ZNF573: variants seen among roughly 807,000 people sequenced by gnomAD.
ZNF573 encodes the protein zinc finger protein 573.
In ZNF573, 41 loss-of-function variants were observed where a neutral mutation model predicts 57.4. The observed-to-expected ratio is 0.71, with a 90% CI of 0.56 to 0.93. ZNF573 has a LOEUF of 0.93. Ranked by LOEUF, ZNF573 falls within the 40% of genes least tolerant of loss-of-function variation. The pLI is 0.00. For synonymous variants in ZNF573, 249 were observed against 261.0 expected, an observed-to-expected ratio of 0.95 and a Z score of 0.44; for missense variants, 730 against 794.8, an observed-to-expected ratio of 0.92 and a Z score of 0.98.
At position 37,739,827 on chromosome 19, in the gene ZNF573, C is replaced by A. The variant is rs1417078758; in HGVS notation, c.663G>T (p.Arg221Ser). 2 of 1,613,924 alleles carry A rather than the reference C, an allele frequency of 1.2e-6. No individual in the cohort carries two copies. The highest frequency in any genetic ancestry group is 1.7e-6 in the Non-Finnish European group (2 of 1,179,966). The change falls in exon 5 of 5, where the codon AGG (arginine) becomes AGT (serine). Residue 221 changes from arginine to serine, a missense_variant. Coordinates refer to ENST00000536220, the MANE Select transcript of ZNF573 (RefSeq NM_001172690.2). Reference sequence around the variant, plus strand: ...CATATATAAAGGCCTTCCCACACTGCCTACATTCATAGGTTTTCTCACCAG... The same window carrying A: ...CATATATAAAGGCCTTCCCACACTGACTACATTCATAGGTTTTCTCACCAG... ...FHTGEKTYEC[R>S]QCGKAFIYAS...
intron 3 of ZNF573, 189 bp from the exon 4 acceptor site, chr19:37,770,286 G>T (rs890945972): frequency 5.8e-5 from 29 of 497,230 alleles, no homozygotes; most frequent in African/African-American, 5.3e-4. Context: ...TCTCTTAGGA[G>T]AAAGTTTAAC....
At chr19:37,750,028 A>G (rs2045418144) in intron 4 of ZNF573, among the ~76,000 whole-genome samples, 1 of 152,164 alleles carries the variant, frequency 6.6e-6, no homozygotes, top group Non-Finnish European at 1.5e-5. Flanking sequence ...GTAAAAGGGT[A>G]CATTCCCTCA....
chr19:37,757,130 C>A (rs958117054), intron 4 of ZNF573, among the ~76,000 whole-genome samples: 1 of 151,940 alleles, frequency 6.6e-6, no homozygotes, highest in Non-Finnish European at 1.5e-5. Context: ...CAATTGCTTA[C>A]TCATCAAGGC....
At position 37,739,137 on chromosome 19, in the gene ZNF573, A is replaced by C; in HGVS notation, c.1353T>G (p.Phe451Leu). 6.2e-7 allele frequency: 1 copy of C among 1,613,272 alleles called. No homozygotes were observed. ...HFECKECKKTFTLYRNLTRHQ... is the reference protein window; with the variant it reads ...HFECKECKKTLTLYRNLTRHQ... The stretch of plus-strand genomic sequence containing the variant: ...GTCGAGTAAGATTTCTATACAAAGT[A>C]AAGGTTTTTTTACACTCCTTACATT... The change falls in exon 5 of 5, where the codon TTT becomes TTG. Residue 451 changes from phenylalanine (F) to leucine (L), a missense_variant. Transcript: ENST00000536220.
intron 4 of ZNF573, among the ~76,000 whole-genome samples, chr19:37,767,260 GCT>G (rs1268963724): frequency 2.0e-5 from 3 of 150,534 alleles, no homozygotes; most frequent in Admixed American, 1.3e-4. Context: ...ACGGAGTCTC[GCT>G]CTGTCACCCA....
At chr19:37,745,036 C>T (rs1212400728) in intron 4 of ZNF573, among the ~76,000 whole-genome samples, 4 of 151,782 alleles carry the variant, frequency 2.6e-5, no homozygotes, top group Non-Finnish European at 2.9e-5. Flanking sequence ...CCCACTTTGG[C>T]CTCCCAAAGT....
intron 4 of ZNF573, among the ~76,000 whole-genome samples, chr19:37,744,064 T>C (rs2045353837): frequency 6.7e-6 from 1 of 150,346 alleles, no homozygotes; most frequent in South Asian, 2.1e-4. Flanking sequence ...CGTATACCTA[T>C]GTAACAAACC....
intron 4 of ZNF573, among the ~76,000 whole-genome samples, chr19:37,741,628 C>T (rs941735752): frequency 5.9e-5 from 9 of 152,318 alleles, no homozygotes; most frequent in African/African-American, 2.2e-4. Flanking sequence ...TAAAATTCAA[C>T]ATCCCTTCAT....
intron 4 of ZNF573, among the ~76,000 whole-genome samples, chr19:37,762,222 G>A (rs2045559776): frequency 6.6e-6 from 1 of 152,182 alleles, no homozygotes; most frequent in Non-Finnish European, 1.5e-5. Flanking sequence ...ACTGGACTTT[G>A]CAAAGATGTC....
chr19:37,757,742 T>C (rs1028316060), intron 4 of ZNF573, among the ~76,000 whole-genome samples: 4 of 152,048 alleles, frequency 2.6e-5, no homozygotes, highest in Non-Finnish European at 4.4e-5. Context: ...CACATGCACA[T>C]GTATGTTTAT....
intron 4 of ZNF573, among the ~76,000 whole-genome samples, chr19:37,744,189 C>T (rs917298592): frequency 6.6e-6 from 1 of 151,652 alleles, no homozygotes; most frequent in Non-Finnish European, 1.5e-5. Context: ...GTTTATAACT[C>T]TCATCATGAG....
At chr19:37,777,391 T>C (rs751723588) in intron 1 of ZNF573, among the ~76,000 whole-genome samples, 13 of 152,084 alleles carry the variant, frequency 8.5e-5, no homozygotes, top group Non-Finnish European at 1.9e-4. Flanking sequence ...ACAGCCTAAA[T>C]GCCCATCAAC....
intron 4 of ZNF573, among the ~76,000 whole-genome samples, chr19:37,743,484 A>C (rs1190245916): frequency 6.6e-6 from 1 of 152,198 alleles, no homozygotes; most frequent in Non-Finnish European, 1.5e-5. Flanking sequence ...AAAAGTCAGG[A>C]AACAATAGAT....
chr19:37,762,790 GAGA>G (rs945534607), intron 4 of ZNF573, among the ~76,000 whole-genome samples: 4 of 101,894 alleles, frequency 3.9e-5, no homozygotes, highest in African/African-American at 1.5e-4. Context: ...TTTTTTTTTT[GAGA>G]AGGAGTCTCA....
At chr19:37,776,970 A>T (rs2045714428) in intron 1 of ZNF573, among the ~76,000 whole-genome samples, 1 of 152,232 alleles carries the variant, frequency 6.6e-6, no homozygotes. Flanking sequence ...CCATAATTTT[A>T]AAAAATCAAA....
chr19:37,754,260 G>A (rs567152342), intron 4 of ZNF573, among the ~76,000 whole-genome samples: 4 of 152,208 alleles, frequency 2.6e-5, no homozygotes, highest in South Asian at 2.1e-4. Context: ...GGTGGCTCAC[G>A]CCTGTAATCC....
chr19:37,740,306 T>C (rs1599681002), intron 4 of ZNF573, 112 bp from the exon 5 acceptor site: 2 of 1,016,616 alleles, frequency 2.0e-6, no homozygotes, highest in African/African-American at 1.6e-5. Context: ...CATATAGAAT[T>C]CAAAAATATG....
At chr19:37,763,203 G>A (rs549916598) in intron 4 of ZNF573, among the ~76,000 whole-genome samples, 1 of 152,176 alleles carries the variant, frequency 6.6e-6, no homozygotes, top group African/African-American at 2.4e-5. Context: ...AATCACTGCA[G>A]CCATGCCACA....
intron 4 of ZNF573, among the ~76,000 whole-genome samples, chr19:37,767,038 G>A (rs2045607304): frequency 6.6e-6 from 1 of 152,138 alleles, no homozygotes; most frequent in South Asian, 2.1e-4. Flanking sequence ...CAAGGAGATA[G>A]GGAGGGTGTA....
Sources: allele counts gnomAD v4.1 joint callset (sites outside exome capture counted in the v4.1 genomes callset), GRCh38; gene constraint gnomAD v4.1.1; transcripts MANE v1.5; gene names NCBI Gene and HGNC (gene_info 2026-07-23, HGNC 2026-07-21).